The following PCNT variants were observed in gnomAD, a reference collection of about 807,000 sequenced individuals.
PCNT encodes kendrin.
In PCNT, 319 loss-of-function variants were observed where a neutral mutation model predicts 380.4. The ratio of observed to expected loss-of-function variants is 0.84; its 90% CI spans 0.77 to 0.92. The LOEUF is 0.92. PCNT is among the 40% of genes least tolerant of loss of function. The pLI is 0.00. For missense variants in PCNT, 4,400 were observed against 4,255.3 expected, an observed-to-expected ratio of 1.03 and a Z score of -0.95; for synonymous variants, 1,845 against 1,735.2, an observed-to-expected ratio of 1.06 and a Z score of -1.57.
chr21:46,424,066 G>A (rs1026555912), intron 32 of PCNT, among the ~76,000 whole-genome samples: 1 of 152,202 alleles, frequency 6.6e-6, no homozygotes, highest in African/African-American at 2.4e-5. Flanking sequence ...GAGTGGAGCT[G>A]GGTGCTTGCC....
At chr21:46,373,266 C>T (rs2085213573) in intron 15 of PCNT, among the ~76,000 whole-genome samples, 1 of 152,138 alleles carries the variant, frequency 6.6e-6, no homozygotes, top group South Asian at 2.1e-4. Context: ...ATCCTTTTGT[C>T]TCAGCCTCCC....
chr21:46,377,776 G>T (rs2085376103), intron 15 of PCNT, among the ~76,000 whole-genome samples: 1 of 152,222 alleles, frequency 6.6e-6, no homozygotes, highest in Admixed American at 6.5e-5. Context: ...GAGCCCAGAA[G>T]GTTGAAGCTG....
chr21:46,406,740 T>G (rs2086632794), intron 27 of PCNT, among the ~76,000 whole-genome samples: 3 of 152,258 alleles, frequency 2.0e-5, no homozygotes, highest in African/African-American at 4.8e-5. Flanking sequence ...CACAGGTGCC[T>G]TTTTATCAGA....
intron 38 of PCNT, 24 bp from the exon 39 acceptor site, chr21:46,435,880 C>T (rs2053428137): frequency 5.6e-6 from 9 of 1,613,878 alleles, no homozygotes; most frequent in Non-Finnish European, 7.6e-6. Flanking sequence ...AACGTCTTCT[C>T]TGTCTTTTTT....
In PCNT at chr21:46,412,079, C is replaced by T. The variant is rs1385788182; in HGVS notation, c.5994+12C>T. The T allele has an allele frequency of 3.7e-6, 6 of 1,604,392 alleles. No homozygotes were observed. In the African/African-American group the frequency reaches 6.7e-5, roughly 18 times the overall value. On this transcript the variant is annotated intron_variant, in intron 28 of 46. Coordinates refer to ENST00000359568, the MANE Select transcript of PCNT (RefSeq NM_006031.6). ...TCCCTGACCCACAGGTGGGCTCCCC[C>T]CGCGGGCCATGGCAGGGTATTTTTT...
rs760416456 is a variant in PCNT at position 46,426,069 on chromosome 21, CTTTTTTTTTT to C, written c.7320+116_7320+125del. 4.5e-3 allele frequency: 1,385 copies of C among 309,268 alleles called. 35 individuals are homozygous for C. In the African/African-American group the frequency reaches 0.056, roughly 12 times the overall value. 19.2% of individuals were successfully genotyped at this position (309,268 alleles called of 1,614,324 possible). A position where few individuals can be genotyped will look rare whatever the true frequency, so the allele number is the denominator to read the frequency against. On this transcript the variant is annotated intron_variant, in intron 33 of 46. Transcript: ENST00000359568. Reference sequence around the variant, plus strand: ...GCCACGTGGACACTAGGATTTCTTTCTTTTTTTTTTTTTTTTTTTTTTTTTTTGAGACTCG... The same window carrying C: ...GCCACGTGGACACTAGGATTTCTTTCTTTTTTTTTTTTTTTTTGAGACTCG...
At chr21:46,384,350 A>T (rs1189158979) in intron 16 of PCNT, among the ~76,000 whole-genome samples, 1 of 147,848 alleles carries the variant, frequency 6.8e-6, no homozygotes, top group East Asian at 2.1e-4. Context: ...GCGGAAGCGC[A>T]TTCACAGTGT....
intron 1 of PCNT, among the ~76,000 whole-genome samples, chr21:46,325,414 C>T (rs1409315937): frequency 1.3e-5 from 2 of 152,218 alleles, no homozygotes; most frequent in Non-Finnish European, 1.5e-5. Context: ...GGACAAGACG[C>T]CGCCTGTAGG....
At position 46,430,393 on chromosome 21, in the gene PCNT, G is replaced by A. The variant is rs566281129; in HGVS notation, c.7914-114G>A. 925 of 1,447,842 alleles carry A rather than the reference G, an allele frequency of 6.4e-4. 6 individuals are homozygous for A. Among genetic ancestry groups the A allele is most frequent in the South Asian group, 5.7e-3 (461 of 81,510 alleles). The allele number at this position is 1,447,842 out of a possible 1,614,324, so 89.7% of individuals were successfully genotyped here. A position where few individuals can be genotyped will look rare whatever the true frequency, so the allele number is the denominator to read the frequency against. On this transcript the variant is annotated intron_variant, in intron 36 of 46. Coordinates refer to ENST00000359568, the MANE Select transcript of PCNT (RefSeq NM_006031.6). ...TGGGTTGATAATCCTGTGGTGGGGG[G>A]TGAAGCACACGTGTGGGACCTGGCA...
In PCNT at chr21:46,421,876, C is replaced by T. The variant is rs547988297; in HGVS notation, c.7025-94C>T. ...ACGGTGTGGTTGTCGCTGGGGACTG[C>T]GGGCCGATCACCCCTGTCCTGCCTC... On this transcript the variant is annotated intron_variant, in intron 31 of 46. Coordinates refer to ENST00000359568, the MANE Select transcript of PCNT (RefSeq NM_006031.6). 1.4e-4 allele frequency: 195 copies of T among 1,383,270 alleles called. No individual in the cohort carries two copies. The South Asian group carries it at 1.7e-3, about 12-fold the overall frequency. 85.7% of individuals were successfully genotyped at this position (1,383,270 alleles called of 1,614,324 possible).
chr21:46,441,025 C>G lies in PCNT; in HGVS notation c.9564C>G (p.Ile3188Met), dbSNP rs201798996. The G allele has an allele frequency of 6.2e-7, 1 of 1,614,124 alleles. No homozygotes were observed. ...GVFPSKAERK[I>M]TSRPFTRFRT... ...TTCCTTCCAAAGCAGAACGGAAAAT[C>G]ACATCTCGTCCTTTCACCAGGTTCC... The change falls in exon 43 of 47, where the codon ATC (isoleucine) becomes ATG (methionine). Residue 3188 changes from isoleucine to methionine, a missense_variant. Coordinates refer to ENST00000359568, the MANE Select transcript of PCNT (RefSeq NM_006031.6).
intron 15 of PCNT, among the ~76,000 whole-genome samples, 173 bp downstream of exon 15, chr21:46,367,312 T>TG: frequency 7.5e-6 from 1 of 133,176 alleles, no homozygotes; most frequent in East Asian, 2.0e-4. Context: ...GAACTGGGCT[T>TG]TTTTTTTTTT....
Position 46,442,506 on chromosome 21 carries a change from T to G in PCNT, c.9633T>G (p.Phe3211Leu). The G allele has an allele frequency of 6.2e-7, 1 of 1,608,440 alleles. No individual in the cohort carries two copies. The highest frequency in any genetic ancestry group is 8.5e-7 in the Non-Finnish European group (1 of 1,175,042). Reference sequence around the variant, plus strand: ...TCTCTTTTTTTTGTAGATTACGTTTTTTGGTTAAGAAATGGCAAGAAGTAG... The same window carrying G: ...TCTCTTTTTTTTGTAGATTACGTTTGTTGGTTAAGAAATGGCAAGAAGTAG... ...RVVIAILRLR[F>L]LVKKWQEVDR... is the part of the protein sequence containing the mutation. Residue 3211 changes from phenylalanine (F) to leucine (L), a missense_variant, in exon 44 of 47, where the codon TTT (phenylalanine) becomes TTG (leucine). By Grantham distance (22) the Phe-to-Leu change is conservative. Transcript: ENST00000359568.
In PCNT at chr21:46,389,250, G is replaced by C; in HGVS notation, c.3659G>C (p.Arg1220Thr). ...WSDVALPELD[R>T]TLSECAEMSS... ...GATGTGGCCCTCCCGGAGTTGGACA[G>C]AACTTTGTCTGAATGTGCAGAGATG... The change falls in exon 19 of 47, where the codon AGA becomes ACA. Residue 1220 changes from arginine to threonine, a missense_variant. Physicochemically the swap from Arg to Thr is moderately conservative, Grantham distance 71 (BLOSUM62 -1). Coordinates refer to ENST00000359568, the MANE Select transcript of PCNT (RefSeq NM_006031.6). 6.2e-7 allele frequency: 1 copy of C among 1,614,264 alleles called. No homozygotes were observed. Among genetic ancestry groups the C allele is most frequent in the Non-Finnish European group, 8.5e-7 (1 of 1,180,048 alleles).
At position 46,388,412 on chromosome 21, in the gene PCNT, C is replaced by T. The variant is rs185701483; in HGVS notation, c.3465-330C>T. 1.6e-4 allele frequency among the ~76,000 whole-genome samples: 24 copies of T among 152,308 alleles called. No homozygotes were observed. The highest frequency in any genetic ancestry group is 2.6e-4 in the Non-Finnish European group (18 of 68,028). ...AGGGGCGGAGCCTGTGTGCTGCTCC[C>T]GGGTGATTGACGCTGTGCGGCCACA... On this transcript the variant is annotated intron_variant, in intron 17 of 46. Transcript: ENST00000359568. The surrounding 1 kb of genome is among the most constrained non-coding windows in gnomAD (Gnocchi z 4.2).
intron 46 of PCNT, among the ~76,000 whole-genome samples, 184 bp downstream of exon 46, chr21:46,445,005 T>C (rs368296239): frequency 6.6e-6 from 1 of 152,190 alleles, no homozygotes. Flanking sequence ...TCTAAGCCAG[T>C]GTACTCAGTG....
In PCNT at chr21:46,416,433, A is replaced by T; in HGVS notation, c.6515A>T (p.Asp2172Val). The change falls in exon 30 of 47, where the codon GAT (aspartate) becomes GTT (valine). Residue 2172 changes from aspartate to valine, a missense_variant. Asp to Val is a radical substitution (Grantham distance 152). Transcript: ENST00000359568. The part of the protein sequence containing the change: ...VIKNWDSLIP[D>V]EMPDSPIQEK... ...AAAAATTGGGATTCCTTGATACCAG[A>T]TGAAATGCCAGATTCTCCCATTCAA... 2 of 1,614,236 alleles carry T rather than the reference A, an allele frequency of 1.2e-6. No individual in the cohort carries two copies. The highest frequency in any genetic ancestry group is 8.5e-7 in the Non-Finnish European group (1 of 1,180,036).
intron 31 of PCNT, among the ~76,000 whole-genome samples, chr21:46,421,398 C>A (rs1690941784): frequency 6.6e-6 from 1 of 152,244 alleles, no homozygotes; most frequent in South Asian, 2.1e-4. Flanking sequence ...TCCAAAGCGC[C>A]CCCCTCCCTG....
intron 3 of PCNT, among the ~76,000 whole-genome samples, chr21:46,335,521 C>T (rs866012280): frequency 1.3e-5 from 2 of 151,692 alleles, no homozygotes; most frequent in South Asian, 2.1e-4. Context: ...TGGTGAAACC[C>T]CTCTCTACTA....
Sources: allele counts gnomAD v4.1 joint callset (sites outside exome capture counted in the v4.1 genomes callset), GRCh38; gene constraint gnomAD v4.1.1; non-coding constraint Gnocchi (gnomAD v3.1); transcripts MANE v1.5; gene names NCBI Gene and HGNC (gene_info 2026-07-23, HGNC 2026-07-21).